SH3GL3: variants seen among roughly 807,000 people sequenced by gnomAD.
The protein encoded by SH3GL3 is endophilin-A3.
A neutral mutation model predicts 47.7 loss-of-function variants in SH3GL3; 33 were observed. The observed-to-expected ratio is 0.69, with a 90% CI of 0.52 to 0.92. The LOEUF is 0.92. Among genes scored for constraint, SH3GL3 ranks in the 40% least tolerant of loss-of-function variants. SH3GL3 has a pLI of 0.00. For missense variants in SH3GL3, 363 were observed against 417.8 expected, an observed-to-expected ratio of 0.87 and a Z score of 1.14; for synonymous variants, 155 against 148.8, an observed-to-expected ratio of 1.04 and a Z score of -0.30.
intron 1 of SH3GL3, among the ~76,000 whole-genome samples, chr15:83,490,180 C>T (rs930879985): frequency 2.6e-5 from 4 of 151,560 alleles, no homozygotes; most frequent in South Asian, 2.1e-4. Flanking sequence ...CCGCTCTTGG[C>T]GTCTGGACTC....
intron 2 of SH3GL3, among the ~76,000 whole-genome samples, chr15:83,562,284 C>A (rs1176430468): frequency 2.0e-5 from 3 of 152,032 alleles, no homozygotes; most frequent in Non-Finnish European, 4.4e-5. Flanking sequence ...CATGTCAGGG[C>A]CTACAAGGTA....
Position 83,576,567 on chromosome 15 carries a change from C to T in SH3GL3, c.466-16C>T, listed in dbSNP as rs2059685501. On this transcript the variant is annotated splice_polypyrimidine_tract_variant and intron_variant, in intron 5 of 8. Coordinates refer to ENST00000427482, the MANE Select transcript of SH3GL3 (RefSeq NM_003027.5). ...AATGTAGCACCTCTCTGAGGGACTCCATTCTCTTTTTTTAGCATCACCTGA... is the reference window on the plus strand; with the variant it reads ...AATGTAGCACCTCTCTGAGGGACTCTATTCTCTTTTTTTAGCATCACCTGA... The T allele has an allele frequency of 6.3e-7, 1 of 1,593,986 alleles. No individual in the cohort carries two copies. Among genetic ancestry groups the T allele is most frequent in the Non-Finnish European group, 8.5e-7 (1 of 1,173,414 alleles).
chr15:83,628,951 T>G, the SH3GL3 span, among the ~76,000 whole-genome samples: 1 of 152,156 alleles, frequency 6.6e-6, no homozygotes, highest in African/African-American at 2.4e-5. Context: ...CAGGAACAAT[T>G]ATTAAATATA....
chr15:83,504,006 A>G (rs2042389707), intron 1 of SH3GL3, among the ~76,000 whole-genome samples: 1 of 152,158 alleles, frequency 6.6e-6, no homozygotes. Flanking sequence ...TCTTTTATGA[A>G]TCACTGTTTA....
At position 83,618,381 on chromosome 15, in the gene SH3GL3, C is replaced by A; in HGVS notation, c.*94C>A. On this transcript the variant is annotated 3_prime_UTR_variant, in exon 9 of 9. Coordinates refer to ENST00000427482, the MANE Select transcript of SH3GL3 (RefSeq NM_003027.5). ...GGTGTTCTGTGACATCCTTTGCTCT[C>A]TGACCAACTTAATGACTTTTGTATG... is the stretch of plus-strand genomic sequence containing the variant. The A allele has an allele frequency of 1.3e-6, 1 of 768,502 alleles. No homozygotes were observed. Among genetic ancestry groups the A allele is most frequent in the Non-Finnish European group, 2.3e-6 (1 of 430,978 alleles). 47.6% of individuals were successfully genotyped at this position (768,502 alleles called of 1,614,324 possible). A position where few individuals can be genotyped will look rare whatever the true frequency, so the allele number is the denominator to read the frequency against.
intron 8 of SH3GL3, among the ~76,000 whole-genome samples, chr15:83,595,226 T>A (rs1414926146): frequency 6.6e-6 from 1 of 152,146 alleles, no homozygotes; most frequent in African/African-American, 2.4e-5. Flanking sequence ...CTGGAGACCA[T>A]GATCCTAAGT....
At chr15:83,488,448 G>T (rs905223648) in intron 1 of SH3GL3, among the ~76,000 whole-genome samples, 2 of 152,218 alleles carry the variant, frequency 1.3e-5, no homozygotes, top group African/African-American at 4.8e-5. Context: ...TATGTGGTTT[G>T]GATGGGATTC....
At chr15:83,487,362 A>G (rs138791221) in intron 1 of SH3GL3, among the ~76,000 whole-genome samples, 8 of 151,798 alleles carry the variant, frequency 5.3e-5, no homozygotes, top group African/African-American at 1.9e-4. Context: ...TGCATGTCTT[A>G]TAATTTGGGT....
the SH3GL3 span, among the ~76,000 whole-genome samples, chr15:83,624,327 G>A: frequency 1.3e-5 from 2 of 152,150 alleles, no homozygotes; most frequent in Admixed American, 6.5e-5. Context: ...CTACGGCACC[G>A]AGCAGGGCTA....
At chr15:83,461,775 TCTTG>T (rs2040311811) in intron 1 of SH3GL3, among the ~76,000 whole-genome samples, 1 of 152,142 alleles carries the variant, frequency 6.6e-6, no homozygotes, top group South Asian at 2.1e-4. Context: ...GATTTGGCCT[TCTTG>T]CTTCAGAAGT....
intron 6 of SH3GL3, among the ~76,000 whole-genome samples, chr15:83,581,069 TG>T: frequency 6.6e-6 from 1 of 152,332 alleles, no homozygotes; most frequent in South Asian, 2.1e-4. Flanking sequence ...GGGGAAGAGC[TG>T]GTGCCTTCTC....
chr15:83,464,337 T>C (rs887171793), intron 1 of SH3GL3, among the ~76,000 whole-genome samples: 2 of 152,180 alleles, frequency 1.3e-5, no homozygotes, highest in Admixed American at 6.6e-5. Context: ...AATCCTGGAA[T>C]ACCCCAGGCC....
intron 1 of SH3GL3, among the ~76,000 whole-genome samples, chr15:83,483,345 A>G (rs1432318005): frequency 6.6e-6 from 1 of 152,202 alleles, no homozygotes; most frequent in African/African-American, 2.4e-5. Context: ...GCTGCCTGGT[A>G]TGATAGCCAC....
rs2039588611 is a variant in SH3GL3 at position 83,448,877 on chromosome 15, T to A, written c.45+1299T>A. ...TGCTATTCAAGGTGTTAAGGAGCCC[T>A]GGAGGAGAGGCTATTCAGGTGAGGG... On this transcript the variant is annotated intron_variant, in intron 1 of 8. Transcript: ENST00000427482. The surrounding 1 kb of genome is among the most constrained non-coding windows in gnomAD (Gnocchi z 4.2). Among the ~76,000 whole-genome samples the A allele has an allele frequency of 6.6e-6, 1 of 152,118 alleles. No individual in the cohort carries two copies. Among genetic ancestry groups the A allele is most frequent in the Non-Finnish European group, 1.5e-5 (1 of 68,018 alleles).
intron 5 of SH3GL3, among the ~76,000 whole-genome samples, chr15:83,574,411 G>A (rs1020628420): frequency 1.1e-4 from 17 of 152,108 alleles, no homozygotes; most frequent in African/African-American, 3.9e-4. Context: ...GTCCTCCTCT[G>A]GGCCGCAGGG....
intron 1 of SH3GL3, among the ~76,000 whole-genome samples, chr15:83,526,579 C>A (rs1426717088): frequency 6.6e-6 from 1 of 152,164 alleles, no homozygotes; most frequent in Non-Finnish European, 1.5e-5. Context: ...AAACCAAAAA[C>A]TGCATGTTCC....
At chr15:83,601,824 C>A (rs1228297067) in intron 8 of SH3GL3, among the ~76,000 whole-genome samples, 1 of 149,664 alleles carries the variant, frequency 6.7e-6, no homozygotes, top group Non-Finnish European at 1.5e-5. Context: ...TCCATGTGGT[C>A]CTGGACTTTT....
chr15:83,497,787 A>G (rs1021092355), intron 1 of SH3GL3, among the ~76,000 whole-genome samples: 14 of 152,224 alleles, frequency 9.2e-5, no homozygotes, highest in African/African-American at 3.4e-4. Flanking sequence ...AGTTACCAAC[A>G]TCTTCCTAAA....
At chr15:83,460,551 A>G (rs2040241739) in intron 1 of SH3GL3, among the ~76,000 whole-genome samples, 1 of 152,172 alleles carries the variant, frequency 6.6e-6, no homozygotes, top group Non-Finnish European at 1.5e-5. Context: ...TTTTCAGTAA[A>G]TGGCCTGGGA....
Sources: gnomAD v4.1 joint callset for allele counts (sites outside exome capture counted in the v4.1 genomes callset) on GRCh38, gnomAD v4.1.1 for gene constraint, Gnocchi (gnomAD v3.1) non-coding constraint, MANE v1.5 for transcripts, NCBI Gene and HGNC (gene_info 2026-07-23, HGNC 2026-07-21) for gene names.